Variants in MIGA2 observed in about 807,000 individuals in gnomAD.
The protein encoded by MIGA2 is mitoguardin 2.
In MIGA2, 36 loss-of-function variants were observed where a neutral mutation model predicts 69.9. The observed-to-expected ratio is 0.52, with a 90% confidence interval of 0.39 to 0.68. MIGA2 has a LOEUF of 0.68. MIGA2 is among the 30% of genes least tolerant of loss of function. The pLI is 0.00. For missense variants in MIGA2, 660 were observed against 787.7 expected, an observed-to-expected ratio of 0.84 and a Z score of 1.94; for synonymous variants, 333 against 349.2, an observed-to-expected ratio of 0.95 and a Z score of 0.52.
Position 129,068,020 on chromosome 9 carries a change from C to A in MIGA2, c.1269+149C>A. On this transcript the variant is annotated intron_variant, in intron 12 of 15. Transcript: ENST00000684074. This position sits in a 1 kb window ranked among gnomAD's most constrained non-coding sequence, Gnocchi z 4.1. ...TCCCCGGTTCCTGCCCTGCCCCAGGCCAAGGCAGAGGGAGGAATGGCCTCA... is the reference window on the plus strand; with the variant it reads ...TCCCCGGTTCCTGCCCTGCCCCAGGACAAGGCAGAGGGAGGAATGGCCTCA... The A allele has an allele frequency of 7.9e-7, 1 of 1,264,174 alleles. No individual in the cohort carries two copies. Among genetic ancestry groups the A allele is most frequent in the South Asian group, 1.3e-5 (1 of 75,490 alleles). The allele number at this position is 1,264,174 out of a possible 1,614,324, so 78.3% of individuals were successfully genotyped here.
In MIGA2 at chr9:129,068,298, G is replaced by T. The variant is rs566373660; in HGVS notation, c.1370G>T (p.Arg457Leu). The T allele has an allele frequency of 6.2e-7, 1 of 1,609,368 alleles. No individual in the cohort carries two copies. Among genetic ancestry groups the T allele is most frequent in the African/African-American group, 1.3e-5 (1 of 74,814 alleles). ...CCGGCCTCGGTGCTCGCCGTCCTGC[G>T]GAACCGCTGGCTGTCAGACAGCTTC... ...NPPASVLAVL[R>L]NRWLSDSFKE... is the part of the protein sequence containing the mutation. The change falls in exon 13 of 16, where the codon CGG becomes CTG. Residue 457 changes from arginine (R) to leucine (L), a missense_variant. Arg to Leu is a moderately radical substitution (Grantham distance 102). This residue lies in a region of MIGA2 where 220 missense variants were observed against 301.7 expected (regional missense o/e 0.73). Transcript: ENST00000684074. This position sits in a 1 kb window ranked among gnomAD's most constrained non-coding sequence, Gnocchi z 4.1.
chr9:129,042,825 C>T (rs1327911708), intron 3 of MIGA2, among the ~76,000 whole-genome samples: 3 of 152,122 alleles, frequency 2.0e-5, no homozygotes, highest in African/African-American at 7.2e-5. Context: ...GAGGGATGTT[C>T]CCCAGGCTGA....
At chr9:129,046,027 G>T (rs563903887) in intron 3 of MIGA2, among the ~76,000 whole-genome samples, 45 of 151,850 alleles carry the variant, frequency 3.0e-4, no homozygotes, top group African/African-American at 1.0e-3. Flanking sequence ...CTAATTTTTT[G>T]TGTTTTTAGT....
At chr9:129,065,207 G>A (rs1046463526) in intron 11 of MIGA2, among the ~76,000 whole-genome samples, 6 of 151,964 alleles carry the variant, frequency 3.9e-5, no homozygotes, top group African/African-American at 1.5e-4. Context: ...GGCTGAGATG[G>A]GAGGATTGCT....
At chr9:129,062,288 T>G (rs960127329) in intron 9 of MIGA2, among the ~76,000 whole-genome samples, 2 of 151,180 alleles carry the variant, frequency 1.3e-5, no homozygotes, top group African/African-American at 4.9e-5. Context: ...TCCAGCACTT[T>G]GGGAGGCCAA....
rs147855677 is a variant in MIGA2, at chr9:129,063,564, G to A, written c.1103G>A (p.Ser368Asn). 477 of 1,545,814 alleles carry A rather than the reference G, an allele frequency of 3.1e-4. No homozygotes were observed. The highest frequency in any genetic ancestry group is 3.9e-4 in the Non-Finnish European group (446 of 1,136,246). The change falls in exon 11 of 16, where the codon AGT becomes AAT. Residue 368 changes from serine to asparagine, a missense_variant. Physicochemically the swap from Ser to Asn is conservative, Grantham distance 46 (BLOSUM62 1). Around this residue, in one of 3 missense-constraint regions of MIGA2, gnomAD observed 386 missense variants for 402.0 expected, o/e 0.96. Coordinates refer to ENST00000684074, the MANE Select transcript of MIGA2 (RefSeq NM_001329990.2). ...QAFEGLLEDK[S>N]NQLFFGKVGR... ...CCCTAGGGGCTTCTGGAAGACAAGAGTAACCAGCTTTTCTTCGGGAAAGTG... is the reference window on the plus strand; with the variant it reads ...CCCTAGGGGCTTCTGGAAGACAAGAATAACCAGCTTTTCTTCGGGAAAGTG...
In MIGA2 at chr9:129,069,595, G is replaced by A; in HGVS notation, c.1459-254G>A. 1 of 559,864 alleles carries A rather than the reference G, an allele frequency of 1.8e-6. No individual in the cohort carries two copies. Among genetic ancestry groups the A allele is most frequent in the Admixed American group, 3.1e-5 (1 of 32,606 alleles). The allele number at this position is 559,864 out of a possible 1,614,324, so 34.7% of individuals were successfully genotyped here. Reference sequence around the variant, plus strand: ...TGCCTAGCTGATACCAGCTGCCGTGGCCACGTGCTCCAGGCACTTCCCGCG... The same window carrying A: ...TGCCTAGCTGATACCAGCTGCCGTGACCACGTGCTCCAGGCACTTCCCGCG... On this transcript the variant is annotated intron_variant, in intron 14 of 15. Transcript: ENST00000684074. The surrounding 1 kb of genome is among the most constrained non-coding windows in gnomAD (Gnocchi z 4.9).
intron 1 of MIGA2, chr9:129,037,142 C>A: frequency 1.3e-6 from 1 of 786,906 alleles, no homozygotes; most frequent in Non-Finnish European, 1.6e-6. Flanking sequence ...ATGCCCGGTG[C>A]CCGGCATGGT....
rs563196451 is a variant in MIGA2 at position 129,049,421 on chromosome 9, C to G, written c.461C>G (p.Ser154Trp). 1.2e-5 allele frequency: 19 copies of G among 1,613,290 alleles called. No homozygotes were observed. In the East Asian group the frequency reaches 4.0e-4, roughly 34 times the overall value. Residue 154 changes from serine to tryptophan, a missense_variant, in exon 5 of 16, where the codon TCG (serine) becomes TGG (tryptophan). Transcript: ENST00000684074. ...TCATCCAGCCCCACAGCCGCGTGCT[C>G]GGGACTATGGGATGCCAGAGGGATG... is the stretch of plus-strand genomic sequence containing the variant. The part of the protein sequence containing the change: ...VNSSSPTAAC[S>W]GLWDARGMEE...
At chr9:129,054,088 G>A (rs149410432) in intron 6 of MIGA2, among the ~76,000 whole-genome samples, 57 of 152,242 alleles carry the variant, frequency 3.7e-4, no homozygotes, top group Non-Finnish European at 6.6e-4. Context: ...GTACAATTGA[G>A]TAGCTTTTGG....
rs760061755 is a variant in MIGA2, at chr9:129,068,403, C to G, written c.1404+71C>G. 1.9e-6 allele frequency: 3 copies of G among 1,581,960 alleles called. No homozygotes were observed. The highest frequency in any genetic ancestry group is 1.1e-5 in the South Asian group (1 of 88,550). ...CCGTGTGGTTGCCTGGCTCCGTCCC[C>G]TCTGTCCCTAGCACTGGCACCAGGG... On this transcript the variant is annotated intron_variant, in intron 13 of 15. Transcript: ENST00000684074. This position sits in a 1 kb window ranked among gnomAD's most constrained non-coding sequence, Gnocchi z 4.1.
At chr9:129,066,423 C>T (rs1378636963) in intron 11 of MIGA2, among the ~76,000 whole-genome samples, 2 of 152,160 alleles carry the variant, frequency 1.3e-5, no homozygotes, top group East Asian at 3.9e-4. Context: ...GCCTGTAATC[C>T]CGGCACTTTG....
At chr9:129,048,751 T>C (rs946159076) in intron 4 of MIGA2, among the ~76,000 whole-genome samples, 5 of 152,168 alleles carry the variant, frequency 3.3e-5, no homozygotes, top group Non-Finnish European at 5.9e-5. Context: ...GGAGAGAAAC[T>C]GATGGTCTCC....
rs957971944 is a variant in MIGA2, at chr9:129,060,371, G to A, written c.794-179G>A. On this transcript the variant is annotated intron_variant, in intron 7 of 15. Transcript: ENST00000684074. This position sits in a 1 kb window ranked among gnomAD's most constrained non-coding sequence, Gnocchi z 4.8. ...TGAAGGAGGTCACTCACTGAGGCGA[G>A]GAGTCCAGCGTCCTCACACAGAAGC... The A allele has an allele frequency of 1.8e-6, 1 of 559,298 alleles. No homozygotes were observed. 34.6% of individuals were successfully genotyped at this position (559,298 alleles called of 1,614,324 possible). A position where few individuals can be genotyped will look rare whatever the true frequency, so the allele number is the denominator to read the frequency against.
In MIGA2 at chr9:129,068,448, A is replaced by C; in HGVS notation, c.1404+116A>C. 1 of 1,431,484 alleles carries C rather than the reference A, an allele frequency of 7.0e-7. No individual in the cohort carries two copies. Among genetic ancestry groups the C allele is most frequent in the Non-Finnish European group, 9.4e-7 (1 of 1,060,170 alleles). 88.7% of individuals were successfully genotyped at this position (1,431,484 alleles called of 1,614,324 possible). A position where few individuals can be genotyped will look rare whatever the true frequency, so the allele number is the denominator to read the frequency against. ...CCAGGGCTGGGCCCCCACCCCCTAG[A>C]TCCGCGGCTGCCAGGCCTGGGAGAC... On this transcript the variant is annotated intron_variant, in intron 13 of 15. Coordinates refer to ENST00000684074, the MANE Select transcript of MIGA2 (RefSeq NM_001329990.2). This position sits in a 1 kb window ranked among gnomAD's most constrained non-coding sequence, Gnocchi z 4.1.
At chr9:129,070,124 G>T in intron 15 of MIGA2, 123 bp from the exon 16 acceptor site, 1 of 1,290,446 alleles carries the variant, frequency 7.7e-7, no homozygotes, top group Non-Finnish European at 1.1e-6. Context: ...TGGGAGGGAG[G>T]AGCCTGGGGA....
At chr9:129,040,919 G>A (rs949111330) in intron 2 of MIGA2, among the ~76,000 whole-genome samples, 1 of 152,086 alleles carries the variant, frequency 6.6e-6, no homozygotes, top group African/African-American at 2.4e-5. Context: ...GGCCGGGTGC[G>A]ATGGCTCACG....
intron 11 of MIGA2, among the ~76,000 whole-genome samples, chr9:129,066,380 T>C (rs1253533160): frequency 6.6e-6 from 1 of 152,150 alleles, no homozygotes; most frequent in Non-Finnish European, 1.5e-5. Flanking sequence ...ACTTTGGTTT[T>C]ATTAAGAAAT....
chr9:129,052,375 G>A (rs961731177), intron 6 of MIGA2, among the ~76,000 whole-genome samples: 2 of 151,884 alleles, frequency 1.3e-5, no homozygotes, highest in African/African-American at 2.4e-5. Context: ...CACCCGCCTC[G>A]GCCTCCCAAA....
Sources: gnomAD v4.1 joint callset for allele counts (sites outside exome capture counted in the v4.1 genomes callset) on GRCh38, gnomAD v4.1.1 for gene constraint, gnomAD v4.1.1 regional missense constraint, Gnocchi (gnomAD v3.1) non-coding constraint, MANE v1.5 for transcripts, NCBI Gene and HGNC (gene_info 2026-07-23, HGNC 2026-07-21) for gene names.